Variants in CSMD1 observed in about 807,000 individuals in gnomAD.
CSMD1 encodes CUB and sushi domain-containing protein 1.
Under a neutral mutation model 417.5 loss-of-function variants are expected in CSMD1, and 213 were observed. The ratio of observed to expected loss-of-function variants is 0.51; its 90% CI spans 0.46 to 0.57. The LOEUF is 0.57. Ranked by LOEUF, CSMD1 falls within the 20% of genes least tolerant of loss-of-function variation. The pLI, the probability that CSMD1 is intolerant of heterozygous loss-of-function variation, is 0.00. For missense variants in CSMD1, 6,923 were observed against 4,529.7 expected, an observed-to-expected ratio of 1.53 and a Z score of -15.17; for synonymous variants, 2,862 against 1,736.8, an observed-to-expected ratio of 1.65 and a Z score of -16.11.
At chr8:3,899,599 T>C (rs1300255576) in intron 5 of CSMD1, among the ~76,000 whole-genome samples, 1 of 152,186 alleles carries the variant, frequency 6.6e-6, no homozygotes, top group African/African-American at 2.4e-5. Flanking sequence ...AGGATCAATA[T>C]AGCTCCAACA....
At chr8:3,168,098 A>C (rs1000824306) in intron 37 of CSMD1, among the ~76,000 whole-genome samples, 1 of 152,168 alleles carries the variant, frequency 6.6e-6, no homozygotes, top group Non-Finnish European at 1.5e-5. Flanking sequence ...CTCAAAACAA[A>C]AAAGTTGATA....
chr8:3,820,948 C>A (rs1465102626), intron 5 of CSMD1, among the ~76,000 whole-genome samples: 1 of 151,884 alleles, frequency 6.6e-6, no homozygotes, highest in Admixed American at 6.6e-5. Flanking sequence ...CGGAGTTTTG[C>A]TTTTGCTGCC....
intron 49 of CSMD1, among the ~76,000 whole-genome samples, chr8:3,054,559 A>G (rs931434730): frequency 2.0e-5 from 3 of 152,228 alleles, no homozygotes; most frequent in Non-Finnish European, 4.4e-5. Context: ...CAGAGGTTGC[A>G]GTGAGCTGAA....
intron 26 of CSMD1, among the ~76,000 whole-genome samples, chr8:3,280,663 C>A (rs768551711): frequency 4.6e-5 from 7 of 152,048 alleles, no homozygotes; most frequent in Non-Finnish European, 7.4e-5. Context: ...TCATTTTTTA[C>A]GTATAAAAAT....
chr8:4,837,749 G>GT (rs1800585261), intron 1 of CSMD1, among the ~76,000 whole-genome samples: 1 of 151,982 alleles, frequency 6.6e-6, no homozygotes, highest in Non-Finnish European at 1.5e-5. Flanking sequence ...AAATAACAAA[G>GT]AGTATAACTA....
chr8:4,248,532 G>C (rs1328112544), intron 3 of CSMD1, among the ~76,000 whole-genome samples: 1 of 152,142 alleles, frequency 6.6e-6, no homozygotes, highest in African/African-American at 2.4e-5. Context: ...AGGATTTTAG[G>C]TTTTGCCATA....
chr8:4,029,399 G>C (rs998367422), intron 4 of CSMD1, among the ~76,000 whole-genome samples: 2 of 152,208 alleles, frequency 1.3e-5, no homozygotes, highest in African/African-American at 4.8e-5. Context: ...CACAATCATG[G>C]TGGAAGGCAA....
intron 9 of CSMD1, among the ~76,000 whole-genome samples, chr8:3,580,456 C>A (rs1295222247): frequency 6.6e-6 from 1 of 152,080 alleles, no homozygotes; most frequent in Non-Finnish European, 1.5e-5. Flanking sequence ...GAGAGAAACA[C>A]CCCTGGCAAG....
chr8:4,823,245 A>C (rs1374406257), intron 1 of CSMD1, among the ~76,000 whole-genome samples: 1 of 152,120 alleles, frequency 6.6e-6, no homozygotes, highest in East Asian at 1.9e-4. Context: ...CCTAATTCTT[A>C]TGCTTGTGTT....
intron 4 of CSMD1, among the ~76,000 whole-genome samples, chr8:4,012,083 T>C (rs369770821): frequency 6.6e-5 from 10 of 152,196 alleles, no homozygotes; most frequent in African/African-American, 2.4e-4. Context: ...CCTAGCTATA[T>C]TGTAGACATA....
chr8:3,484,451 G>C (rs982645670), intron 11 of CSMD1, among the ~76,000 whole-genome samples: 2 of 152,152 alleles, frequency 1.3e-5, no homozygotes, highest in Non-Finnish European at 2.9e-5. Context: ...AGGGATAAGA[G>C]ACTTAAATGT....
chr8:4,869,107 T>A (rs1383475746), intron 1 of CSMD1, among the ~76,000 whole-genome samples: 1 of 152,060 alleles, frequency 6.6e-6, no homozygotes, highest in Non-Finnish European at 1.5e-5. Flanking sequence ...ATTGTATTAT[T>A]TTTAAATAAA....
chr8:3,950,659 T>G (rs796081803), intron 5 of CSMD1, among the ~76,000 whole-genome samples: 1 of 152,294 alleles, frequency 6.6e-6, no homozygotes, highest in South Asian at 2.1e-4. Flanking sequence ...GGTTAAAAAG[T>G]TAATGTTTCT....
At chr8:4,272,254 C>T (rs1225314277) in intron 3 of CSMD1, among the ~76,000 whole-genome samples, 1 of 152,090 alleles carries the variant, frequency 6.6e-6, no homozygotes, top group Non-Finnish European at 1.5e-5. Flanking sequence ...ATAGGTTCTT[C>T]GAATCTGGGA....
At chr8:3,128,426 T>C (rs906418076) in intron 41 of CSMD1, 1 of 162,104 alleles carries the variant, frequency 6.2e-6, no homozygotes, top group Non-Finnish European at 1.4e-5. Flanking sequence ...TACATGGTCA[T>C]AAATAAATGA....
chr8:4,637,235 A>T (rs769142053), intron 2 of CSMD1, 107 bp downstream of exon 2: 12 of 999,140 alleles, frequency 1.2e-5, no homozygotes, highest in Non-Finnish European at 1.8e-5. Context: ...AACCCACCGG[A>T]AGGAACCAAC....
chr8:3,453,475 T>A (rs1309775080), intron 12 of CSMD1, among the ~76,000 whole-genome samples: 1 of 152,220 alleles, frequency 6.6e-6, no homozygotes, highest in Non-Finnish European at 1.5e-5. Flanking sequence ...CTCTACACAC[T>A]GCTTTGAATG....
At chr8:4,095,364 C>A (rs1425066705) in intron 3 of CSMD1, among the ~76,000 whole-genome samples, 1 of 151,558 alleles carries the variant, frequency 6.6e-6, no homozygotes, top group Non-Finnish European at 1.5e-5. Flanking sequence ...TTGTATGTGG[C>A]TGATGTAGAA....
At chr8:3,993,762 G>A (rs1770012944) in intron 5 of CSMD1, among the ~76,000 whole-genome samples, 1 of 152,162 alleles carries the variant, frequency 6.6e-6, no homozygotes, top group Admixed American at 6.5e-5. Flanking sequence ...CATTTATTAT[G>A]GCTGATGTTT....
Sources: allele counts gnomAD v4.1 joint callset (sites outside exome capture counted in the v4.1 genomes callset), GRCh38; gene constraint gnomAD v4.1.1; transcripts MANE v1.5; gene names NCBI Gene and HGNC (gene_info 2026-07-23, HGNC 2026-07-21).